Variants in MND1 observed in about 807,000 individuals in gnomAD.
The protein encoded by MND1 is meiotic nuclear divisions 1.
In MND1, 28 loss-of-function variants were observed where a neutral mutation model predicts 35.1. The ratio of observed to expected loss-of-function variants is 0.80; its 90% confidence interval spans 0.59 to 1.09. The LOEUF is 1.09. Among genes scored for constraint, MND1 ranks in the 50% least tolerant of loss-of-function variants. MND1 has a pLI of 0.00. For missense variants in MND1, 213 were observed against 239.6 expected, an observed-to-expected ratio of 0.89 and a Z score of 0.73; for synonymous variants, 69 against 70.5, an observed-to-expected ratio of 0.98 and a Z score of 0.11.
At chr4:153,404,530 A>G (rs1400513322) in intron 6 of MND1, among the ~76,000 whole-genome samples, 2 of 148,226 alleles carry the variant, frequency 1.3e-5, no homozygotes, top group African/African-American at 2.5e-5. Flanking sequence ...GTGGGAGTGC[A>G]GTGGTGCGAT....
chr4:153,404,694 G>C (rs1033929230), intron 6 of MND1, among the ~76,000 whole-genome samples: 10 of 151,270 alleles, frequency 6.6e-5, no homozygotes, highest in African/African-American at 2.4e-4. Context: ...GGCCAGGCTT[G>C]TCTTGAACTC....
At chr4:153,387,279 A>G (rs894530547) in intron 4 of MND1, among the ~76,000 whole-genome samples, 2 of 152,158 alleles carry the variant, frequency 1.3e-5, no homozygotes, top group East Asian at 3.8e-4. Flanking sequence ...ATACTTTGAA[A>G]ACACTTCCAT....
At chr4:153,353,967 G>T (rs530831880) in intron 2 of MND1, among the ~76,000 whole-genome samples, 1 of 152,116 alleles carries the variant, frequency 6.6e-6, no homozygotes, top group Admixed American at 6.5e-5. Context: ...TGATCCACCC[G>T]CCTCAGCCTC....
At chr4:153,366,665 TGGTTACAAGTAC>T (rs1163453623) in intron 4 of MND1, among the ~76,000 whole-genome samples, 1 of 152,214 alleles carries the variant, frequency 6.6e-6, no homozygotes, top group East Asian at 1.9e-4. Context: ...AGAGTGTTAT[TGGTTACAAGTAC>T]TAGGACATTA....
chr4:153,364,179 G>A (rs1432237957), intron 4 of MND1, among the ~76,000 whole-genome samples: 3 of 152,168 alleles, frequency 2.0e-5, no homozygotes, highest in Non-Finnish European at 2.9e-5. Flanking sequence ...TGCAGCTGCT[G>A]TGGAAAACAG....
intron 4 of MND1, chr4:153,361,576 A>T (rs746823520): frequency 2.2e-5 from 10 of 455,902 alleles, no homozygotes; most frequent in South Asian, 1.5e-4. Context: ...GCAGTGGCTC[A>T]CGCCTGTAAT....
intron 6 of MND1, among the ~76,000 whole-genome samples, chr4:153,406,877 T>TTGGGGAATACCCCACAATATTG (rs1215308732): frequency 6.6e-6 from 1 of 152,226 alleles, no homozygotes; most frequent in Non-Finnish European, 1.5e-5. Flanking sequence ...TGCCACGTAT[T>TTGGGGAATACCCCACAATATTG]TGGGGAAACC....
chr4:153,391,902 A>ACT (rs147597005), intron 4 of MND1, among the ~76,000 whole-genome samples: 1,955 of 152,168 alleles, frequency 0.013, 19 homozygotes, highest in Non-Finnish European at 0.02. Context: ...TGACTGGAAA[A>ACT]CTGTTAAAGG....
intron 2 of MND1, among the ~76,000 whole-genome samples, chr4:153,351,439 T>C (rs1197012262): frequency 6.6e-6 from 1 of 152,210 alleles, no homozygotes; most frequent in Non-Finnish European, 1.5e-5. Context: ...TATAGCCTAA[T>C]CAGTTGCTGC....
intron 4 of MND1, among the ~76,000 whole-genome samples, chr4:153,369,858 T>TG (rs1192670712): frequency 1.3e-5 from 2 of 152,120 alleles, no homozygotes; most frequent in African/African-American, 4.8e-5. Flanking sequence ...TCTCAAACCC[T>TG]GCCTCTACTT....
At chr4:153,360,645 CAA>C (rs1773460369) in intron 4 of MND1, among the ~76,000 whole-genome samples, 1 of 135,496 alleles carries the variant, frequency 7.4e-6, no homozygotes, top group Non-Finnish European at 1.5e-5. Flanking sequence ...CATATATACA[CAA>C]AAATATATAA....
chr4:153,401,010 C>T (rs939685486), intron 6 of MND1, among the ~76,000 whole-genome samples: 2 of 152,062 alleles, frequency 1.3e-5, no homozygotes, highest in African/African-American at 4.8e-5. Context: ...TGGTAAATTA[C>T]CAGCAGATTA....
rs548344946 is a variant in MND1 at position 153,355,744 on chromosome 4, GA to G, written c.127+36del. 1,901 of 1,285,902 alleles carry G rather than the reference GA, an allele frequency of 1.5e-3. 7 individuals are homozygous for G. The highest frequency in any genetic ancestry group is 1.9e-3 in the Non-Finnish European group (1,738 of 892,322). 79.7% of individuals were successfully genotyped at this position (1,285,902 alleles called of 1,614,324 possible). ...CCAAAGTTATACTGGAATGTTTTGG[GA>G]AATATACTGGGATGTTTTGGGAAAT... On this transcript the variant is annotated intron_variant, in intron 3 of 7. Transcript: ENST00000240488.
At chr4:153,362,458 C>T (rs1773520223) in intron 4 of MND1, among the ~76,000 whole-genome samples, 1 of 152,260 alleles carries the variant, frequency 6.6e-6, no homozygotes, top group East Asian at 1.9e-4. Flanking sequence ...ATGTAAAATG[C>T]CTGCTCGCCC....
chr4:153,360,584 ATGTGTG>A lies in MND1; in HGVS notation c.276+1980_276+1985del, dbSNP rs141946781. Among the ~76,000 whole-genome samples the A allele has an allele frequency of 7.0e-3, 1,014 of 145,214 alleles. 11 individuals carry two copies. The highest frequency in any genetic ancestry group is 0.024 in the African/African-American group (931 of 39,494). ...TTAGTATAATTTACTTCTTTTCTGT[ATGTGTG>A]TGTGTGTGTGTGTGTGTATATATAT... On this transcript the variant is annotated intron_variant, in intron 4 of 7. Transcript: ENST00000240488.
intron 6 of MND1, among the ~76,000 whole-genome samples, chr4:153,397,581 C>A (rs1307769867): frequency 2.6e-5 from 4 of 151,984 alleles, no homozygotes; most frequent in Non-Finnish European, 5.9e-5. Flanking sequence ...CTTTGGGAGG[C>A]TGAGGTGGGT....
chr4:153,393,442 T>C (rs1387979577), intron 4 of MND1, among the ~76,000 whole-genome samples: 2 of 150,806 alleles, frequency 1.3e-5, no homozygotes, highest in African/African-American at 4.9e-5. Flanking sequence ...GTTATCACAG[T>C]TCACTGCAGC....
intron 4 of MND1, among the ~76,000 whole-genome samples, chr4:153,382,953 A>G (rs1301591541): frequency 6.6e-6 from 1 of 152,220 alleles, no homozygotes; most frequent in African/African-American, 2.4e-5. Flanking sequence ...TGAATAGGCT[A>G]ACTTTTAGGC....
chr4:153,391,528 C>G (rs1303584848), intron 4 of MND1, among the ~76,000 whole-genome samples: 2 of 151,844 alleles, frequency 1.3e-5, no homozygotes, highest in Non-Finnish European at 2.9e-5. Context: ...GAGTTCGAGA[C>G]CAGCCTGACC....
Sources: gnomAD v4.1 joint callset for allele counts (sites outside exome capture counted in the v4.1 genomes callset) on GRCh38, gnomAD v4.1.1 for gene constraint, MANE v1.5 for transcripts, NCBI Gene and HGNC (gene_info 2026-07-23, HGNC 2026-07-21) for gene names.